Variants in ZNF560 observed in about 807,000 individuals in gnomAD.
The protein encoded by ZNF560 is zinc finger protein 560.
In ZNF560, 54 loss-of-function variants were observed where a neutral mutation model predicts 81.8. That is an observed-to-expected ratio of 0.66 (90% CI 0.53 to 0.83). ZNF560 has a LOEUF of 0.83. Ranked by LOEUF, ZNF560 falls within the 40% of genes least tolerant of loss-of-function variation. ZNF560 has a pLI of 0.00. For synonymous variants in ZNF560, 321 were observed against 317.9 expected (o/e 1.01, Z -0.10); for missense variants, 940 against 932.4 (o/e 1.01, Z -0.11).
chr19:9,457,733 T>C, the ZNF560 span, among the ~76,000 whole-genome samples: 1 of 152,184 alleles, frequency 6.6e-6, no homozygotes, highest in Admixed American at 6.5e-5. Context: ...GTAGGATCAA[T>C]AGAAAACATT....
intron 2 of ZNF560, among the ~76,000 whole-genome samples, chr19:9,491,866 G>T (rs992266065): frequency 3.4e-5 from 4 of 117,100 alleles, no homozygotes; most frequent in Non-Finnish European, 6.8e-5. Flanking sequence ...GGCTACTATG[G>T]CTCAACAGTA....
At chr19:9,485,608 T>C (rs919821341) in intron 2 of ZNF560, among the ~76,000 whole-genome samples, 2 of 151,172 alleles carry the variant, frequency 1.3e-5, no homozygotes, top group African/African-American at 4.9e-5. Flanking sequence ...TGCAATGGTG[T>C]GATCTCAGCT....
chr19:9,488,503 T>C (rs1373006018), intron 2 of ZNF560, among the ~76,000 whole-genome samples: 1 of 148,560 alleles, frequency 6.7e-6, no homozygotes, highest in East Asian at 2.0e-4. Context: ...AGGTAATATA[T>C]ATTCTCCTCA....
the ZNF560 span, among the ~76,000 whole-genome samples, chr19:9,447,436 C>T: frequency 6.6e-6 from 1 of 152,070 alleles, no homozygotes; most frequent in Non-Finnish European, 1.5e-5. Context: ...GCTTGGCCTA[C>T]AGGGAAGCTC....
At chr19:9,456,204 T>C in the ZNF560 span, among the ~76,000 whole-genome samples, 1 of 152,200 alleles carries the variant, frequency 6.6e-6, no homozygotes, top group African/African-American at 2.4e-5. Context: ...GCACCAGGGC[T>C]GTGAGTCTCC....
intron 2 of ZNF560, among the ~76,000 whole-genome samples, chr19:9,479,399 G>T (rs1380564460): frequency 6.6e-6 from 1 of 151,506 alleles, no homozygotes; most frequent in Non-Finnish European, 1.5e-5. Flanking sequence ...AAAGGGCAGG[G>T]GAAAAAACAC....
At chr19:9,464,361 A>C (rs2072982207), downstream of ZNF560, among the ~76,000 whole-genome samples, 2 of 152,320 alleles carry the variant, frequency 1.3e-5, no homozygotes, top group South Asian at 4.1e-4. Flanking sequence ...GGCATCAAAG[A>C]CAACATTCGT....
intron 2 of ZNF560, among the ~76,000 whole-genome samples, chr19:9,483,609 G>A (rs1175937211): frequency 1.1e-4 from 16 of 140,794 alleles, no homozygotes; most frequent in Admixed American, 2.1e-4. Context: ...CCGGCCAGCC[G>A]CCCCGTCTGG....
Position 9,466,485 on chromosome 19 carries a change from A to T in ZNF560, c.*89T>A. On this transcript the variant is annotated 3_prime_UTR_variant, in exon 10 of 10. Coordinates refer to ENST00000301480, the MANE Select transcript of ZNF560 (RefSeq NM_152476.3). ...TCACATTCCTTACATTGATAGTGTT[A>T]CTTTCTCCTGTGAATTTTTACATGT... The T allele has an allele frequency of 8.1e-7, 1 of 1,228,008 alleles. No homozygotes were observed. The highest frequency in any genetic ancestry group is 1.5e-5 in the South Asian group (1 of 66,856). The allele number at this position is 1,228,008 out of a possible 1,614,324, so 76.1% of individuals were successfully genotyped here.
rs562895336 is a variant in ZNF560 at position 9,466,556 on chromosome 19, C to T, written c.*18G>A. The T allele has an allele frequency of 2.3e-5, 36 of 1,550,498 alleles. No homozygotes were observed. The highest frequency in any genetic ancestry group is 1.0e-4 in the Admixed American group (5 of 48,712). ...AGCAAAGGTTTTTCCACATTCTTCA[C>T]ATCCACAGGGCTTCTCTCTAGTGTG... On this transcript the variant is annotated 3_prime_UTR_variant, in exon 10 of 10. Coordinates refer to ENST00000301480, the MANE Select transcript of ZNF560 (RefSeq NM_152476.3).
At chr19:9,478,590 T>C (rs772538496) in intron 2 of ZNF560, among the ~76,000 whole-genome samples, 2 of 152,082 alleles carry the variant, frequency 1.3e-5, no homozygotes, top group Non-Finnish European at 2.9e-5. Context: ...AGAGCTAAAA[T>C]AATTAAGGGA....
chr19:9,493,893 A>G (rs896788484), intron 2 of ZNF560, among the ~76,000 whole-genome samples: 8 of 151,464 alleles, frequency 5.3e-5, no homozygotes, highest in Non-Finnish European at 1.2e-4. Context: ...AGCACTTTGG[A>G]AGGCCGAGGT....
chr19:9,475,065 G>A (rs1203684622), intron 3 of ZNF560, among the ~76,000 whole-genome samples: 3 of 151,822 alleles, frequency 2.0e-5, no homozygotes, highest in Admixed American at 6.6e-5. Context: ...GCACCATAAG[G>A]GACAAAATTA....
downstream of ZNF560, among the ~76,000 whole-genome samples, chr19:9,463,383 T>C (rs1261487737): frequency 6.6e-6 from 1 of 152,130 alleles, no homozygotes; most frequent in East Asian, 1.9e-4. Flanking sequence ...CAACCTACAG[T>C]ATTGACCTCA....
chr19:9,464,888 C>T (rs2072990878), downstream of ZNF560, among the ~76,000 whole-genome samples: 1 of 152,066 alleles, frequency 6.6e-6, no homozygotes. Context: ...CCTGATATTC[C>T]ATACATGCCC....
At chr19:9,471,027 A>G (rs1179772650) in intron 6 of ZNF560, among the ~76,000 whole-genome samples, 1 of 152,200 alleles carries the variant, frequency 6.6e-6, no homozygotes, top group Non-Finnish European at 1.5e-5. Flanking sequence ...ACTAGGGTCT[A>G]TATTTGCTTT....
chr19:9,479,035 G>A (rs910987004), intron 2 of ZNF560, among the ~76,000 whole-genome samples: 12 of 151,896 alleles, frequency 7.9e-5, no homozygotes, highest in Non-Finnish European at 1.5e-4. Context: ...GCATGGTGAC[G>A]GGCACCTGTA....
At chr19:9,465,875 T>C (rs112106151), downstream of ZNF560, among the ~76,000 whole-genome samples, 7,332 of 152,114 alleles carry the variant, frequency 0.048, 602 homozygotes, top group African/African-American at 0.17. Flanking sequence ...GTGCCTATAA[T>C]CCCAGCTACT....
chr19:9,497,972 G>C (rs1180809499), intron 2 of ZNF560, among the ~76,000 whole-genome samples, 156 bp downstream of exon 2: 2 of 152,102 alleles, frequency 1.3e-5, no homozygotes, highest in African/African-American at 2.4e-5. Context: ...GCACACCCTA[G>C]ACAACTAAGA....
Sources: allele counts gnomAD v4.1 joint callset (sites outside exome capture counted in the v4.1 genomes callset), GRCh38; gene constraint gnomAD v4.1.1; transcripts MANE v1.5; gene names NCBI Gene and HGNC (gene_info 2026-07-23, HGNC 2026-07-21).